TRAK1: variants seen among roughly 807,000 people sequenced by gnomAD.
TRAK1 encodes the protein trafficking kinesin protein 1, also known as trafficking kinesin-binding protein 1.
A neutral mutation model predicts 92.1 loss-of-function variants in TRAK1; 33 were observed. That is an observed-to-expected ratio of 0.36 (90% CI 0.27 to 0.48). The LOEUF (loss-of-function observed/expected upper bound fraction) is 0.48, where lower values mean the gene tolerates loss of function less well. Ranked by LOEUF, TRAK1 falls within the 20% of genes least tolerant of loss-of-function variation. The probability of loss-of-function intolerance (pLI) is 0.99; values close to 1 mark genes in which losing one functional copy is unlikely to be tolerated. For synonymous variants in TRAK1, 521 were observed against 517.3 expected, an observed-to-expected ratio of 1.01 and a Z score of -0.10; for missense variants, 1,123 against 1,257.9, an observed-to-expected ratio of 0.89 and a Z score of 1.62.
chr3:42,090,768 G>A (rs1335883335), upstream of TRAK1, among the ~76,000 whole-genome samples: 1 of 152,220 alleles, frequency 6.6e-6, no homozygotes, highest in Non-Finnish European at 1.5e-5. Flanking sequence ...TATAGGATGT[G>A]GTGACTTGGG....
At chr3:42,058,159 C>G (rs1049768006) in intron 1 of TRAK1, among the ~76,000 whole-genome samples, 1 of 152,112 alleles carries the variant, frequency 6.6e-6, no homozygotes, top group African/African-American at 2.4e-5. Context: ...GTAAAATACT[C>G]CTTGGAACCT....
intron 1 of TRAK1, among the ~76,000 whole-genome samples, chr3:42,117,298 C>T (rs955534931): frequency 7.2e-5 from 11 of 152,158 alleles, no homozygotes; most frequent in African/African-American, 2.7e-4. Flanking sequence ...AGAACCGAGG[C>T]TGGGCGTCCT....
intron 2 of TRAK1, among the ~76,000 whole-genome samples, chr3:42,140,055 C>G (rs538876806): frequency 2.0e-5 from 3 of 152,308 alleles, no homozygotes; most frequent in Admixed American, 1.3e-4. Flanking sequence ...TTTTTCTTCT[C>G]TCTGTCCTTC....
At chr3:42,209,322 T>G (rs747248411) in intron 13 of TRAK1, among the ~76,000 whole-genome samples, 4 of 151,130 alleles carry the variant, frequency 2.6e-5, no homozygotes, top group Non-Finnish European at 5.9e-5. Context: ...CCTGAGCTTA[T>G]GTCTTCCGTG....
chr3:42,183,148 C>T (rs1298142552), intron 3 of TRAK1, among the ~76,000 whole-genome samples: 1 of 152,172 alleles, frequency 6.6e-6, no homozygotes, highest in Non-Finnish European at 1.5e-5. Flanking sequence ...ACATATAATG[C>T]ACTTTGGTGT....
At chr3:42,222,698 G>A (rs1398463613) in intron 15 of TRAK1, among the ~76,000 whole-genome samples, 2 of 152,176 alleles carry the variant, frequency 1.3e-5, no homozygotes, top group African/African-American at 4.8e-5. Flanking sequence ...GGGGACAACT[G>A]TACCCACCAA....
In TRAK1 at chr3:42,219,586, G is replaced by T. The variant is rs200620651; in HGVS notation, c.2056G>T (p.Val686Phe). 6.6e-5 allele frequency: 104 copies of T among 1,585,782 alleles called. No homozygotes were observed. In the Admixed American group the frequency reaches 1.7e-3, roughly 26 times the overall value. The stretch of plus-strand genomic sequence containing the variant: ...GCATCCTTCAGATGAGCTCACTCGG[G>T]TCACACCAAGGTAAGGGACCCTGGC... ...ILHPSDELTRVTPSLNSAPTP... is the reference protein window; with the variant it reads ...ILHPSDELTRFTPSLNSAPTP... The change falls in exon 15 of 16, where the codon GTC becomes TTC. Residue 686 changes from valine to phenylalanine, a missense_variant. Physicochemically the swap from Val to Phe is conservative, Grantham distance 50. Coordinates refer to ENST00000327628, the MANE Select transcript of TRAK1 (RefSeq NM_001042646.3).
intron 14 of TRAK1, chr3:42,211,584 G>A (rs1709032178): frequency 1.0e-6 from 1 of 985,288 alleles, no homozygotes; most frequent in African/African-American, 1.7e-5. Flanking sequence ...TGTTGATTGG[G>A]ATGCTCCCCT....
chr3:42,131,894 C>G (rs1205709905), intron 2 of TRAK1, among the ~76,000 whole-genome samples: 1 of 118,512 alleles, frequency 8.4e-6, no homozygotes, highest in Non-Finnish European at 1.7e-5. Context: ...CCCATCTCTA[C>G]AAAAAATTAA....
At chr3:42,149,623 GA>G in intron 2 of TRAK1, 1 of 1,536,064 alleles carries the variant, frequency 6.5e-7, no homozygotes, top group Non-Finnish European at 8.7e-7. Flanking sequence ...CTGCAAAACA[GA>G]GCCGGGATGT....
intron 1 of TRAK1, among the ~76,000 whole-genome samples, chr3:42,109,941 G>A (rs1027646634): frequency 3.3e-5 from 5 of 151,270 alleles, no homozygotes; most frequent in Admixed American, 6.6e-5. Flanking sequence ...ATCACACACC[G>A]GGGCCTGTCA....
At chr3:42,181,419 C>T (rs1232532538) in intron 3 of TRAK1, among the ~76,000 whole-genome samples, 2 of 152,178 alleles carry the variant, frequency 1.3e-5, no homozygotes, top group Non-Finnish European at 2.9e-5. Context: ...TGGCGTGTGC[C>T]TGTAGTCCCA....
At chr3:42,126,940 A>G (rs1295701285) in intron 2 of TRAK1, among the ~76,000 whole-genome samples, 1 of 152,228 alleles carries the variant, frequency 6.6e-6, no homozygotes, top group East Asian at 1.9e-4. Context: ...ATCAGTTTCA[A>G]TATGGATAAT....
intron 1 of TRAK1, among the ~76,000 whole-genome samples, chr3:42,052,873 G>A (rs1169393512): frequency 1.3e-5 from 2 of 152,172 alleles, no homozygotes; most frequent in Non-Finnish European, 2.9e-5. Flanking sequence ...GAGGTCCCCA[G>A]CTCTGAGAAA....
At chr3:42,082,376 A>C (rs542259924), upstream of TRAK1, among the ~76,000 whole-genome samples, 13 of 152,248 alleles carry the variant, frequency 8.5e-5, no homozygotes, top group South Asian at 2.3e-3. Context: ...AGGTGGGTGG[A>C]TCACTTGAGG....
chr3:42,048,523 T>C (rs1267481574), intron 1 of TRAK1, among the ~76,000 whole-genome samples: 2 of 152,140 alleles, frequency 1.3e-5, no homozygotes, highest in East Asian at 1.9e-4. Flanking sequence ...TAACTTTTTC[T>C]TTTTCTTCGG....
chr3:42,070,010 C>G (rs554874389), intron 1 of TRAK1, among the ~76,000 whole-genome samples: 57 of 151,966 alleles, frequency 3.8e-4, no homozygotes, highest in African/African-American at 1.2e-3. Flanking sequence ...CGCCACCACA[C>G]CTGGCTAATT....
At chr3:42,214,918 T>C (rs1709493245) in intron 14 of TRAK1, among the ~76,000 whole-genome samples, 1 of 152,228 alleles carries the variant, frequency 6.6e-6, no homozygotes, top group Non-Finnish European at 1.5e-5. Context: ...TTGTACAACA[T>C]ATTACAGTTT....
chr3:42,042,725 G>T (rs539001868), intron 1 of TRAK1, among the ~76,000 whole-genome samples: 254 of 152,042 alleles, frequency 1.7e-3, no homozygotes, highest in African/African-American at 5.8e-3. Flanking sequence ...AATTTCTTCT[G>T]CTTGCAAATT....
Sources: allele counts gnomAD v4.1 joint callset (sites outside exome capture counted in the v4.1 genomes callset), GRCh38; gene constraint gnomAD v4.1.1; transcripts MANE v1.5; gene names NCBI Gene and HGNC (gene_info 2026-07-23, HGNC 2026-07-21).